Variants in KCNT2 observed in about 807,000 individuals in gnomAD.
KCNT2 encodes the protein potassium sodium-activated channel subfamily T member 2, also known as potassium channel subfamily T member 2.
In KCNT2, 67 loss-of-function variants were observed where a neutral mutation model predicts 153.8. The ratio of observed to expected loss-of-function variants is 0.44; its 90% confidence interval spans 0.36 to 0.53. The LOEUF is 0.53. Ranked by LOEUF, KCNT2 falls within the 20% of genes least tolerant of loss-of-function variation. KCNT2 has a pLI of 0.00. For missense variants in KCNT2, 975 were observed against 1,354.8 expected (o/e 0.72, Z 4.40); for synonymous variants, 500 against 458.8 (o/e 1.09, Z -1.15).
At chr1:196,290,501 G>A (rs1369912857) in intron 22 of KCNT2, among the ~76,000 whole-genome samples, 1 of 151,460 alleles carries the variant, frequency 6.6e-6, no homozygotes, top group East Asian at 1.9e-4. Context: ...ACATTTATGT[G>A]CACAACCTTC....
At chr1:196,277,392 G>A (rs1253960195) in intron 25 of KCNT2, among the ~76,000 whole-genome samples, 1 of 152,144 alleles carries the variant, frequency 6.6e-6, no homozygotes, top group Non-Finnish European at 1.5e-5. Context: ...CCCTAAGAAA[G>A]AGTCTTTCAA....
At chr1:196,257,889 G>A in intron 26 of KCNT2, 1 of 978,948 alleles carries the variant, frequency 1.0e-6, no homozygotes. Context: ...CCTGACTTAG[G>A]TTCTTTACTT....
At chr1:196,261,531 G>A (rs369673974) in intron 25 of KCNT2, among the ~76,000 whole-genome samples, 4 of 151,776 alleles carry the variant, frequency 2.6e-5, no homozygotes, top group African/African-American at 9.7e-5. Context: ...AAAATAATAC[G>A]AAATAATTAT....
rs1197874874 is a variant in KCNT2, at chr1:196,575,188, C to T, written c.95+33027G>A. On this transcript the variant is annotated intron_variant, in intron 1 of 27. Coordinates refer to ENST00000294725, the MANE Select transcript of KCNT2 (RefSeq NM_198503.5). ...ATCTATGATCTGCATTGTTTTAACT[C>T]CCTAACAATGACTGACTGATCTCTA... is the stretch of plus-strand genomic sequence containing the variant. Among the ~76,000 whole-genome samples the T allele has an allele frequency of 2.0e-5, 3 of 152,068 alleles. No homozygotes were observed. The East Asian group carries it at 5.8e-4, about 29-fold the overall frequency.
At chr1:196,394,397 C>G (rs748299440) in intron 13 of KCNT2, among the ~76,000 whole-genome samples, 3 of 151,544 alleles carry the variant, frequency 2.0e-5, no homozygotes, top group East Asian at 3.9e-4. Context: ...GTAGTACAAC[C>G]GATAGGACAA....
chr1:196,483,615 A>G (rs1679184992), intron 3 of KCNT2, among the ~76,000 whole-genome samples: 1 of 152,070 alleles, frequency 6.6e-6, no homozygotes, highest in Non-Finnish European at 1.5e-5. Flanking sequence ...CTCATCCTAG[A>G]AGTCTCAGCT....
At chr1:196,278,803 G>T (rs1658820069) in intron 25 of KCNT2, among the ~76,000 whole-genome samples, 1 of 152,132 alleles carries the variant, frequency 6.6e-6, no homozygotes, top group Admixed American at 6.5e-5. Context: ...GGTCAAATAA[G>T]AAATGATTTG....
At chr1:196,373,012 C>T in intron 14 of KCNT2, 128 bp downstream of exon 14, 1 of 530,806 alleles carries the variant, frequency 1.9e-6, no homozygotes, top group Non-Finnish European at 3.4e-6. Context: ...AAAGATAACT[C>T]ACACAAATTC....
intron 8 of KCNT2, among the ~76,000 whole-genome samples, chr1:196,460,578 A>G (rs1198276141): frequency 6.6e-6 from 1 of 151,736 alleles, no homozygotes; most frequent in Non-Finnish European, 1.5e-5. Context: ...TCTAGAAGAA[A>G]CACTGATAAT....
chr1:196,546,030 T>G (rs911579517), intron 1 of KCNT2, among the ~76,000 whole-genome samples: 2 of 152,062 alleles, frequency 1.3e-5, no homozygotes, highest in African/African-American at 4.8e-5. Flanking sequence ...CTCTTGAGTA[T>G]ATAACCAATA....
At chr1:196,316,104 T>C (rs1662689508) in intron 20 of KCNT2, 78 bp from the exon 21 acceptor site, 1 of 1,289,444 alleles carries the variant, frequency 7.8e-7, no homozygotes, top group South Asian at 1.5e-5. Context: ...TCTAGCACTA[T>C]CCCCTGTGCT....
chr1:196,366,382 T>A (rs1668045958), intron 14 of KCNT2, among the ~76,000 whole-genome samples: 1 of 152,088 alleles, frequency 6.6e-6, no homozygotes, highest in African/African-American at 2.4e-5. Context: ...CAGGCTCAAA[T>A]GCCTGAACCC....
rs1240879848 is a variant in KCNT2, at chr1:196,567,656, CTG to C, written c.95+40557_95+40558del. ...GTTACAAGAACTTAAGGGAGTTCTTCTGTGTGATGGCTTCTGTCACATCCCTG... is the reference window on the plus strand; with the variant it reads ...GTTACAAGAACTTAAGGGAGTTCTTCTGTGATGGCTTCTGTCACATCCCTG... On this transcript the variant is annotated intron_variant, in intron 1 of 27. Transcript: ENST00000294725. Among the ~76,000 whole-genome samples, 17 of 152,244 alleles carry C rather than the reference CTG, an allele frequency of 1.1e-4. No individual in the cohort carries two copies. In the South Asian group the frequency reaches 3.3e-3, roughly 30 times the overall value.
At chr1:196,314,735 G>A (rs1407065747) in intron 21 of KCNT2, among the ~76,000 whole-genome samples, 1 of 151,576 alleles carries the variant, frequency 6.6e-6, no homozygotes, top group African/African-American at 2.4e-5. Context: ...CTGTCAGCTG[G>A]AGCCTCTAGG....
At chr1:196,239,681 A>C (rs1273785088) in intron 26 of KCNT2, among the ~76,000 whole-genome samples, 1 of 152,072 alleles carries the variant, frequency 6.6e-6, no homozygotes, top group Non-Finnish European at 1.5e-5. Flanking sequence ...TGTAAGACAG[A>C]AATTTAAATA....
At chr1:196,374,068 T>C (rs914036923) in intron 13 of KCNT2, among the ~76,000 whole-genome samples, 2 of 151,910 alleles carry the variant, frequency 1.3e-5, no homozygotes, top group African/African-American at 4.8e-5. Context: ...AGTCGTGTTT[T>C]TAAAAAGTGA....
intron 8 of KCNT2, among the ~76,000 whole-genome samples, chr1:196,455,123 T>C (rs1383713747): frequency 1.3e-5 from 2 of 151,974 alleles, no homozygotes; most frequent in African/African-American, 4.8e-5. Context: ...CCCTTCTGTC[T>C]CATCTCTCCT....
chr1:196,241,889 G>C (rs1218693230), intron 26 of KCNT2, among the ~76,000 whole-genome samples: 1 of 151,936 alleles, frequency 6.6e-6, no homozygotes, highest in Non-Finnish European at 1.5e-5. Flanking sequence ...AAAAACCTAT[G>C]TTACGTTTCA....
rs1427357059 is a variant in KCNT2, at chr1:196,303,554, CAA to C, written c.2595+1678_2595+1679del. On this transcript the variant is annotated intron_variant, in intron 22 of 27. Transcript: ENST00000294725. ...CACAGAATGAAATATTTATTAGTGACAATATCAACAAATATAAAATGTATCGT... is the reference window on the plus strand; with the variant it reads ...CACAGAATGAAATATTTATTAGTGACTATCAACAAATATAAAATGTATCGT... Among the ~76,000 whole-genome samples the C allele has an allele frequency of 8.5e-5, 13 of 152,226 alleles. No individual in the cohort carries two copies. The East Asian group carries it at 2.3e-3, about 27-fold the overall frequency.
Sources: gnomAD v4.1 joint callset for allele counts (sites outside exome capture counted in the v4.1 genomes callset) on GRCh38, gnomAD v4.1.1 for gene constraint, MANE v1.5 for transcripts, NCBI Gene and HGNC (gene_info 2026-07-23, HGNC 2026-07-21) for gene names.